OPCML: variants seen among roughly 807,000 people sequenced by gnomAD.
The protein encoded by OPCML is opioid binding protein/cell adhesion molecule like.
In OPCML, 13 loss-of-function variants were observed where a neutral mutation model predicts 37.8. That is an observed-to-expected ratio of 0.34 (90% confidence interval 0.22 to 0.55). The LOEUF (loss-of-function observed/expected upper bound fraction) is 0.55, where lower values mean the gene tolerates loss of function less well. OPCML is among the 20% of genes least tolerant of loss of function. The probability of loss-of-function intolerance (pLI) is 0.91; values close to 1 mark genes in which losing one functional copy is unlikely to be tolerated. For missense variants in OPCML, 341 were observed against 435.6 expected, an observed-to-expected ratio of 0.78 and a Z score of 1.93; for synonymous variants, 176 against 168.8, an observed-to-expected ratio of 1.04 and a Z score of -0.33.
At chr11:132,422,483 G>T (rs1177004596) in intron 7 of OPCML, among the ~76,000 whole-genome samples, 2 of 152,180 alleles carry the variant, frequency 1.3e-5, no homozygotes, top group African/African-American at 4.8e-5. Context: ...CTTCTGTTGA[G>T]CATTCTCAAG....
intron 1 of OPCML, among the ~76,000 whole-genome samples, chr11:133,453,850 T>A (rs1303643512): frequency 6.6e-6 from 1 of 152,232 alleles, no homozygotes; most frequent in Non-Finnish European, 1.5e-5. Context: ...TATGAATGTT[T>A]GCGGACAGAG....
At chr11:132,539,551 G>T (rs1458494813) in intron 3 of OPCML, among the ~76,000 whole-genome samples, 1 of 152,234 alleles carries the variant, frequency 6.6e-6, no homozygotes, top group East Asian at 1.9e-4. Context: ...TGATGATGAA[G>T]ATCATGGTAC....
intron 2 of OPCML, among the ~76,000 whole-genome samples, chr11:132,878,746 A>C (rs569860580): frequency 6.6e-6 from 1 of 152,154 alleles, no homozygotes; most frequent in South Asian, 2.1e-4. Context: ...CTTTCTATTG[A>C]GATATCTCCT....
chr11:133,233,341 T>C (rs112163917), intron 1 of OPCML, among the ~76,000 whole-genome samples: 2 of 152,102 alleles, frequency 1.3e-5, no homozygotes, highest in South Asian at 4.1e-4. Context: ...AAACATCAGA[T>C]GTGGGAAGGA....
intron 1 of OPCML, among the ~76,000 whole-genome samples, chr11:133,232,811 C>G (rs1381818024): frequency 6.6e-6 from 1 of 152,192 alleles, no homozygotes; most frequent in Non-Finnish European, 1.5e-5. Flanking sequence ...ACAGGTCGGA[C>G]TGCCACCAAG....
chr11:133,503,655 C>T (rs540773757), intron 1 of OPCML, among the ~76,000 whole-genome samples: 24 of 152,340 alleles, frequency 1.6e-4, no homozygotes, highest in African/African-American at 4.8e-4. Flanking sequence ...GAAGCCTGCA[C>T]GAGGCAATTC....
At chr11:132,511,819 TAAC>T (rs1236585016) in intron 4 of OPCML, among the ~76,000 whole-genome samples, 2 of 151,554 alleles carry the variant, frequency 1.3e-5, no homozygotes, top group East Asian at 1.9e-4. Flanking sequence ...ACATAGAATA[TAAC>T]GTTTTTAACC....
At chr11:133,327,891 C>T (rs188126785) in intron 1 of OPCML, among the ~76,000 whole-genome samples, 3 of 152,252 alleles carry the variant, frequency 2.0e-5, no homozygotes, top group Non-Finnish European at 2.9e-5. Context: ...TGACAAGGTG[C>T]TCGCACTGTA....
chr11:132,529,594 C>T (rs2096318362), intron 3 of OPCML, among the ~76,000 whole-genome samples: 2 of 152,316 alleles, frequency 1.3e-5, no homozygotes, highest in East Asian at 3.9e-4. Flanking sequence ...CTCAAGCCTT[C>T]CCCAACATTG....
intron 1 of OPCML, among the ~76,000 whole-genome samples, chr11:133,326,441 A>G (rs1330132609): frequency 4.0e-5 from 4 of 100,240 alleles, no homozygotes; most frequent in African/African-American, 7.9e-5. Flanking sequence ...GGGTGCGTGT[A>G]TGTGTGTGTA....
At chr11:132,553,140 G>A (rs1264065275) in intron 3 of OPCML, among the ~76,000 whole-genome samples, 1 of 152,232 alleles carries the variant, frequency 6.6e-6, no homozygotes, top group South Asian at 2.1e-4. Flanking sequence ...TCAACTTACG[G>A]TCTTTACCCA....
chr11:133,440,544 T>C (rs559987269), intron 1 of OPCML, among the ~76,000 whole-genome samples: 113 of 150,862 alleles, frequency 7.5e-4, no homozygotes, highest in Non-Finnish European at 1.4e-3. Flanking sequence ...CTGACCAACA[T>C]GGTGAAACCC....
chr11:132,999,073 C>T (rs995888571), intron 1 of OPCML, among the ~76,000 whole-genome samples: 1 of 152,164 alleles, frequency 6.6e-6, no homozygotes, highest in Non-Finnish European at 1.5e-5. Context: ...CAACTAGCTG[C>T]AGGTTGCTAG....
intron 2 of OPCML, among the ~76,000 whole-genome samples, chr11:132,742,301 A>G (rs1945458655): frequency 6.6e-6 from 1 of 152,210 alleles, no homozygotes; most frequent in South Asian, 2.1e-4. Flanking sequence ...GGCTTTAGGA[A>G]GTGGGGCTTT....
At chr11:133,505,689 G>T (rs1030208668) in intron 1 of OPCML, among the ~76,000 whole-genome samples, 5 of 152,188 alleles carry the variant, frequency 3.3e-5, no homozygotes, top group African/African-American at 9.7e-5. Context: ...CCATAAATAA[G>T]CAATGAGGTG....
At chr11:133,418,284 G>A (rs1945810943) in intron 1 of OPCML, 1 of 985,298 alleles carries the variant, frequency 1.0e-6, no homozygotes, top group Non-Finnish European at 1.2e-6. Flanking sequence ...TGACATGGGA[G>A]GTTTATGAAG....
In OPCML at chr11:132,681,194, G is replaced by A. The variant is rs548821017; in HGVS notation, c.147-23875C>T. Among the ~76,000 whole-genome samples, 14 of 152,284 alleles carry A rather than the reference G, an allele frequency of 9.2e-5. No homozygotes were observed. The South Asian group carries it at 2.9e-3, about 32-fold the overall frequency. ...GGAAATTCTAGGCAGAAAAGGGTGCGGTCCCTGGCAAGGGCCCCACCCTCA... is the reference window on the plus strand; with the variant it reads ...GGAAATTCTAGGCAGAAAAGGGTGCAGTCCCTGGCAAGGGCCCCACCCTCA... On this transcript the variant is annotated intron_variant, in intron 2 of 7. Coordinates refer to ENST00000524381, the MANE Select transcript of OPCML (RefSeq NM_001012393.5).
rs374630333 is a variant in OPCML at position 132,701,062 on chromosome 11, C to T, written c.147-43743G>A. On this transcript the variant is annotated intron_variant, in intron 2 of 7. Transcript: ENST00000524381. ...GTGACCATTTTTGTATTAGTCTGTT[C>T]TCACACTGCTAATAAAGACATACCC... Among the ~76,000 whole-genome samples, 74 of 152,188 alleles carry T rather than the reference C, an allele frequency of 4.9e-4. 1 individual carries two copies. Among genetic ancestry groups the T allele is most frequent in the African/African-American group, 1.6e-3 (68 of 41,532 alleles).
intron 2 of OPCML, among the ~76,000 whole-genome samples, chr11:132,909,230 A>G (rs1944345041): frequency 6.6e-6 from 1 of 152,216 alleles, no homozygotes; most frequent in Non-Finnish European, 1.5e-5. Context: ...TTAAAAAAAA[A>G]TAACCAGTCT....
Sources: allele counts gnomAD v4.1 joint callset (sites outside exome capture counted in the v4.1 genomes callset), GRCh38; gene constraint gnomAD v4.1.1; transcripts MANE v1.5; gene names NCBI Gene and HGNC (gene_info 2026-07-23, HGNC 2026-07-21).